COPZ2: variants seen among roughly 807,000 people sequenced by gnomAD.
COPZ2 encodes the protein coatomer subunit zeta-2.
In COPZ2, 30 loss-of-function variants were observed where a neutral mutation model predicts 33.2. That is an observed-to-expected ratio of 0.90 (90% confidence interval 0.68 to 1.23). COPZ2 has a LOEUF of 1.23. COPZ2 is among the 50% of genes most tolerant of loss of function. COPZ2 has a pLI of 0.00. For missense variants in COPZ2, 263 were observed against 262.4 expected, an observed-to-expected ratio of 1.00 and a Z score of -0.02; for synonymous variants, 89 against 102.6, an observed-to-expected ratio of 0.87 and a Z score of 0.80.
intron 6 of COPZ2, 47 bp downstream of exon 6, chr17:48,032,109 A>C (rs1380253907): frequency 1.3e-6 from 2 of 1,518,158 alleles, no homozygotes; most frequent in Non-Finnish European, 1.8e-6. Context: ...GCTGATGATT[A>C]TCAAAGGCAC....
Position 48,037,241 on chromosome 17 carries a change from G to C in COPZ2, c.112-316C>G, listed in dbSNP as rs764187367. 8 of 596,136 alleles carry C rather than the reference G, an allele frequency of 1.3e-5. No individual in the cohort carries two copies. Among genetic ancestry groups the C allele is most frequent in the Non-Finnish European group, 2.6e-5 (8 of 310,010 alleles). 36.9% of individuals were successfully genotyped at this position (596,136 alleles called of 1,614,324 possible). On this transcript the variant is annotated intron_variant, in intron 1 of 8. Coordinates refer to ENST00000621465, the MANE Select transcript of COPZ2 (RefSeq NM_016429.4). The surrounding 1 kb of genome is among the most constrained non-coding windows in gnomAD (Gnocchi z 5.6). Reference sequence around the variant, plus strand: ...AGTGTATCACAGAACCTGGGCCGGGGGGGACAGCGGGCCGAGCCTCCTTCT... The same window carrying C: ...AGTGTATCACAGAACCTGGGCCGGGCGGGACAGCGGGCCGAGCCTCCTTCT...
the COPZ2 span, chr17:48,047,219 T>C: frequency 6.6e-6 from 1 of 152,254 alleles, no homozygotes; most frequent in Non-Finnish European, 1.5e-5. Context: ...CTATAAATAA[T>C]GGGCTCTTCT....
intron 8 of COPZ2, among the ~76,000 whole-genome samples, chr17:48,027,044 C>G (rs1226001534): frequency 6.6e-6 from 1 of 152,230 alleles, no homozygotes; most frequent in Non-Finnish European, 1.5e-5. Context: ...GAGAGGGGGA[C>G]AGGACTCAGG....
At chr17:48,038,746 G>A (rs944289979), upstream of COPZ2, among the ~76,000 whole-genome samples, 2 of 152,100 alleles carry the variant, frequency 1.3e-5, no homozygotes, top group Admixed American at 6.6e-5. Flanking sequence ...TTCTCTTCAA[G>A]CCCTCTTATG....
Position 48,033,221 on chromosome 17 carries a change from T to C in COPZ2, c.350A>G (p.Tyr117Cys). The C allele has an allele frequency of 6.2e-7, 1 of 1,609,288 alleles. No homozygotes were observed. Among genetic ancestry groups the C allele is most frequent in the South Asian group, 1.1e-5 (1 of 90,638 alleles). The change falls in exon 4 of 9, where the codon TAC becomes TGC. Residue 117 changes from tyrosine to cysteine, a missense_variant. Physicochemically the swap from Tyr to Cys is radical, Grantham distance 194 (BLOSUM62 -2). Coordinates refer to ENST00000621465, the MANE Select transcript of COPZ2 (RefSeq NM_016429.4). ...ACCTCCTGAATTCACCTCATTCTCG[T>C]AGGATGAGCCCACCACGTATAGGAA... Reference protein sequence around the residue: ...DLFLYVVGSSYENELMLMSVL... With the variant: ...DLFLYVVGSSCENELMLMSVL...
At chr17:48,044,329 A>G in the COPZ2 span, among the ~76,000 whole-genome samples, 2 of 151,026 alleles carry the variant, frequency 1.3e-5, no homozygotes, top group Non-Finnish European at 1.5e-5. Context: ...CCTGGACCAC[A>G]GAGCGACTCC....
In COPZ2 at chr17:48,026,397, TG is replaced by T; in HGVS notation, c.*30del. The T allele has an allele frequency of 1.9e-6, 3 of 1,584,824 alleles. No individual in the cohort carries two copies. Among genetic ancestry groups the T allele is most frequent in the Non-Finnish European group, 2.6e-6 (3 of 1,153,662 alleles). On this transcript the variant is annotated 3_prime_UTR_variant, in exon 9 of 9. Coordinates refer to ENST00000621465, the MANE Select transcript of COPZ2 (RefSeq NM_016429.4). ...TTTTGCCAGGATTGGGGAAATGATC[TG>T]GGGGGCAGGGAGCCTTGAATCCACA... is the stretch of plus-strand genomic sequence containing the variant.
At chr17:48,041,466 T>C (rs996539351), upstream of COPZ2, among the ~76,000 whole-genome samples, 1 of 152,128 alleles carries the variant, frequency 6.6e-6, no homozygotes, top group Non-Finnish European at 1.5e-5. Flanking sequence ...ATTTTCATAG[T>C]CCTCTGAGAA....
intron 7 of COPZ2, 102 bp downstream of exon 7, chr17:48,029,023 C>CT: frequency 9.0e-7 from 1 of 1,107,980 alleles, no homozygotes; most frequent in Non-Finnish European, 1.3e-6. Context: ...TTGGCTTCTG[C>CT]TAGAGGAGCT....
In COPZ2 at chr17:48,033,278, A is replaced by C; in HGVS notation, c.293T>G (p.Met98Arg). 6.2e-7 allele frequency: 1 copy of C among 1,613,048 alleles called. No homozygotes were observed. The highest frequency in any genetic ancestry group is 1.7e-5 in the Admixed American group (1 of 59,926). Reference sequence around the variant, plus strand: ...AATGCTGTTCTTGTAGACGATGGTCATACCCCCAAAAAATGCAATCTCACC... The same window carrying C: ...AATGCTGTTCTTGTAGACGATGGTCCTACCCCCAAAAAATGCAATCTCACC... ...TESEIAFFGGMTIVYKNSIDL... is the reference protein window; with the variant it reads ...TESEIAFFGGRTIVYKNSIDL... The change falls in exon 4 of 9, where the codon ATG becomes AGG. Residue 98 changes from methionine (M) to arginine (R), a missense_variant. Transcript: ENST00000621465.
intron 6 of COPZ2, chr17:48,031,811 T>C (rs1179878458): frequency 3.4e-5 from 12 of 350,016 alleles, no homozygotes; most frequent in Non-Finnish European, 6.5e-5. Context: ...GGTGGGACTG[T>C]CTGAAGTCCT....
intron 8 of COPZ2, among the ~76,000 whole-genome samples, chr17:48,027,418 G>A (rs557725166): frequency 1.8e-4 from 27 of 152,328 alleles, no homozygotes; most frequent in African/African-American, 6.0e-4. Context: ...CTGTTATTAT[G>A]TGAGGCCCAG....
At chr17:48,030,914 C>A (rs1179669924) in intron 6 of COPZ2, among the ~76,000 whole-genome samples, 1 of 152,216 alleles carries the variant, frequency 6.6e-6, no homozygotes, top group Non-Finnish European at 1.5e-5. Flanking sequence ...CAAAACCTGG[C>A]GTTACCCCAC....
upstream of COPZ2, among the ~76,000 whole-genome samples, chr17:48,042,044 T>C (rs999931225): frequency 2.0e-5 from 3 of 152,046 alleles, no homozygotes; most frequent in African/African-American, 7.2e-5. Flanking sequence ...GCCAAGGGGA[T>C]AGGAATGAGA....
rs2036842695 is a variant in COPZ2 at position 48,028,160 on chromosome 17, G to T, written c.585+312C>A. Among the ~76,000 whole-genome samples the T allele has an allele frequency of 6.6e-6, 1 of 152,174 alleles. No individual in the cohort carries two copies. Among genetic ancestry groups the T allele is most frequent in the African/African-American group, 2.4e-5 (1 of 41,422 alleles). Reference sequence around the variant, plus strand: ...GTTCCCAGATTTTTGGGGTGCACAAGTGACCCAGCCATCTCCAAGGTAGGC... The same window carrying T: ...GTTCCCAGATTTTTGGGGTGCACAATTGACCCAGCCATCTCCAAGGTAGGC... On this transcript the variant is annotated intron_variant, in intron 8 of 8. Transcript: ENST00000621465. This position sits in a 1 kb window ranked among gnomAD's most constrained non-coding sequence, Gnocchi z 4.5.
At chr17:48,032,502 C>T (rs993381727) in intron 5 of COPZ2, among the ~76,000 whole-genome samples, 184 bp downstream of exon 5, 5 of 152,216 alleles carry the variant, frequency 3.3e-5, no homozygotes, top group Admixed American at 2.6e-4. Flanking sequence ...ACCCCAGATG[C>T]GTTTCACAAC....
At chr17:48,031,989 G>C in intron 6 of COPZ2, 167 bp downstream of exon 6, 4 of 631,662 alleles carry the variant, frequency 6.3e-6, no homozygotes, top group Admixed American at 5.2e-5. Flanking sequence ...ATCTTCATGA[G>C]TGGGGCGCTA....
intron 6 of COPZ2, among the ~76,000 whole-genome samples, chr17:48,029,966 TAA>T (rs1379072033): frequency 1.4e-5 from 2 of 143,818 alleles, no homozygotes; most frequent in African/African-American, 2.6e-5. Context: ...AGACTCTGTC[TAA>T]AAAAAAAAAA....
chr17:48,030,446 G>A (rs1015827448), intron 6 of COPZ2, among the ~76,000 whole-genome samples: 10 of 152,154 alleles, frequency 6.6e-5, no homozygotes, highest in African/African-American at 1.2e-4. Context: ...GGGCGTGAGG[G>A]CCTGTCACTG....
Sources: allele counts gnomAD v4.1 joint callset (sites outside exome capture counted in the v4.1 genomes callset), GRCh38; gene constraint gnomAD v4.1.1; non-coding constraint Gnocchi (gnomAD v3.1); transcripts MANE v1.5; gene names NCBI Gene and HGNC (gene_info 2026-07-23, HGNC 2026-07-21).